DPP10: variants seen among roughly 807,000 people sequenced by gnomAD.
DPP10 encodes the protein inactive dipeptidyl peptidase 10.
In DPP10, 33 loss-of-function variants were observed where a neutral mutation model predicts 120.9. That is an observed-to-expected ratio of 0.27 (90% CI 0.21 to 0.37). The LOEUF (loss-of-function observed/expected upper bound fraction) is 0.37. Among genes scored for constraint, DPP10 ranks in the 10% least tolerant of loss-of-function variants. The probability of loss-of-function intolerance (pLI) is 1.00; values close to 1 mark genes in which losing one functional copy is unlikely to be tolerated. For missense variants in DPP10, 816 were observed against 942.8 expected (o/e 0.87, Z 1.76); for synonymous variants, 337 against 326.1 (o/e 1.03, Z -0.36).
chr2:114,717,421 C>A (rs1269621941), intron 1 of DPP10, among the ~76,000 whole-genome samples: 1 of 152,092 alleles, frequency 6.6e-6, no homozygotes, highest in South Asian at 2.1e-4. Flanking sequence ...ATCATTAAAT[C>A]AAAGAAAGAC....
At chr2:115,594,586 T>C (rs2082877720) in intron 5 of DPP10, among the ~76,000 whole-genome samples, 1 of 152,202 alleles carries the variant, frequency 6.6e-6, no homozygotes, top group South Asian at 2.1e-4. Flanking sequence ...GTGAAAGTTC[T>C]GGAAGTTTTT....
At chr2:115,385,351 CTT>C (rs563049219) in intron 3 of DPP10, among the ~76,000 whole-genome samples, 31 of 142,796 alleles carry the variant, frequency 2.2e-4, no homozygotes, top group East Asian at 2.1e-4. Context: ...TTCTGTCTTT[CTT>C]TTTTTTTTTT....
chr2:115,229,319 G>A (rs972258887), intron 1 of DPP10, among the ~76,000 whole-genome samples: 4 of 152,100 alleles, frequency 2.6e-5, no homozygotes, highest in Non-Finnish European at 5.9e-5. Context: ...CCCCCATTCT[G>A]TAGGTTGTCT....
intron 8 of DPP10, among the ~76,000 whole-genome samples, chr2:115,738,221 T>G (rs1172577998): frequency 6.6e-6 from 1 of 152,150 alleles, no homozygotes; most frequent in East Asian, 1.9e-4. Context: ...GTTCCTATGT[T>G]CTCTTGGACT....
chr2:115,147,533 T>C (rs1222371277), intron 1 of DPP10, among the ~76,000 whole-genome samples: 1 of 152,104 alleles, frequency 6.6e-6, no homozygotes, highest in East Asian at 1.9e-4. Context: ...TTAAAGGAGT[T>C]AGACAGTGCC....
intron 1 of DPP10, among the ~76,000 whole-genome samples, chr2:115,234,912 G>A (rs931827992): frequency 1.3e-5 from 2 of 152,002 alleles, no homozygotes; most frequent in African/African-American, 4.8e-5. Flanking sequence ...CATGAAAGTC[G>A]GCTCTTGCTT....
intron 1 of DPP10, among the ~76,000 whole-genome samples, chr2:115,109,869 CT>C (rs767069892): frequency 5.9e-5 from 9 of 152,130 alleles, no homozygotes; most frequent in Non-Finnish European, 1.0e-4. Flanking sequence ...ATTATTCACC[CT>C]AAACTTTCAA....
At chr2:115,632,386 T>G (rs1482202505) in intron 5 of DPP10, among the ~76,000 whole-genome samples, 1 of 152,130 alleles carries the variant, frequency 6.6e-6, no homozygotes, top group East Asian at 1.9e-4. Context: ...GATCAGGGCA[T>G]TTAGCATGTT....
intron 17 of DPP10, 123 bp downstream of exon 17, chr2:115,782,522 G>T: frequency 1.1e-6 from 1 of 870,842 alleles, no homozygotes; most frequent in South Asian, 1.5e-5. Context: ...CATGAGGAAA[G>T]CTGCGTGTAT....
chr2:115,721,011 T>A (rs2092635959), intron 7 of DPP10, among the ~76,000 whole-genome samples: 1 of 152,144 alleles, frequency 6.6e-6, no homozygotes, highest in African/African-American at 2.4e-5. Context: ...TCATAGGCTT[T>A]GAAAGATATG....
intron 1 of DPP10, among the ~76,000 whole-genome samples, chr2:114,723,985 A>G (rs1701880040): frequency 6.6e-6 from 1 of 152,196 alleles, no homozygotes; most frequent in Non-Finnish European, 1.5e-5. Context: ...GAAACTGGGC[A>G]TTATAATGGG....
intron 1 of DPP10, among the ~76,000 whole-genome samples, chr2:114,857,692 A>G (rs2106514234): frequency 6.6e-6 from 1 of 152,284 alleles, no homozygotes; most frequent in East Asian, 1.9e-4. Context: ...AATGGCAAAA[A>G]CCACAATTAC....
At chr2:115,768,809 G>A (rs542314663) in intron 13 of DPP10, among the ~76,000 whole-genome samples, 4 of 152,046 alleles carry the variant, frequency 2.6e-5, no homozygotes, top group African/African-American at 9.6e-5. Context: ...GAACCTAAAT[G>A]TCCATCAAAA....
At chr2:114,819,534 T>C (rs1233273942) in intron 1 of DPP10, among the ~76,000 whole-genome samples, 1 of 152,250 alleles carries the variant, frequency 6.6e-6, no homozygotes, top group South Asian at 2.1e-4. Flanking sequence ...ATATTTGACA[T>C]TGTAATCATG....
At chr2:114,484,532 C>A (rs1681330729) in intron 1 of DPP10, among the ~76,000 whole-genome samples, 2 of 152,080 alleles carry the variant, frequency 1.3e-5, no homozygotes, top group African/African-American at 4.8e-5. Context: ...ACTGTGCTAC[C>A]CAATGTGTTA....
intron 5 of DPP10, among the ~76,000 whole-genome samples, chr2:115,636,044 G>A (rs2086298294): frequency 1.3e-5 from 2 of 151,694 alleles, no homozygotes; most frequent in Non-Finnish European, 1.5e-5. Flanking sequence ...TACTGATGGT[G>A]TAAAGCCTAA....
chr2:114,472,239 G>A (rs1679981237), intron 1 of DPP10, among the ~76,000 whole-genome samples: 1 of 152,210 alleles, frequency 6.6e-6, no homozygotes, highest in South Asian at 2.1e-4. Flanking sequence ...GGCATCCACT[G>A]AAGTTAGGTC....
At chr2:114,756,202 T>C (rs567965719) in intron 1 of DPP10, among the ~76,000 whole-genome samples, 1 of 152,294 alleles carries the variant, frequency 6.6e-6, no homozygotes, top group East Asian at 1.9e-4. Flanking sequence ...AAAATCATAG[T>C]TCAAACTGGA....
At chr2:115,104,060 GTATGTGAAACAAAGTTTGTAT>G (rs1351003723) in intron 1 of DPP10, among the ~76,000 whole-genome samples, 1 of 148,824 alleles carries the variant, frequency 6.7e-6, no homozygotes, top group East Asian at 2.0e-4. Flanking sequence ...AAATAATTTT[GTATGTGAAACAAAGTTTGTAT>G]TAAGTATTTA....
Sources: allele counts gnomAD v4.1 joint callset (sites outside exome capture counted in the v4.1 genomes callset), GRCh38; gene constraint gnomAD v4.1.1; transcripts MANE v1.5; gene names NCBI Gene and HGNC (gene_info 2026-07-23, HGNC 2026-07-21).